RTCA: variants seen among roughly 807,000 people sequenced by gnomAD.
The protein encoded by RTCA is RNA terminal phosphate cyclase domain 1.
Under a neutral mutation model 46.1 loss-of-function variants are expected in RTCA, and 37 were observed. The observed-to-expected ratio is 0.80, with a 90% CI of 0.62 to 1.06. The LOEUF is 1.06. Ranked by LOEUF, RTCA falls within the 50% of genes least tolerant of loss-of-function variation. RTCA has a pLI of 0.00. For missense variants in RTCA, 435 were observed against 455.5 expected (o/e 0.95, Z 0.41); for synonymous variants, 164 against 158.3 (o/e 1.04, Z -0.27).
chr1:100,283,245 A>G (rs1666817553), intron 8 of RTCA, among the ~76,000 whole-genome samples: 2 of 142,216 alleles, frequency 1.4e-5, no homozygotes, highest in African/African-American at 5.3e-5. Context: ...ATCTCAGCTC[A>G]CCATAACCTC....
chr1:100,273,702 A>G (rs1666223429), intron 5 of RTCA, among the ~76,000 whole-genome samples: 1 of 152,242 alleles, frequency 6.6e-6, no homozygotes, highest in African/African-American at 2.4e-5. Flanking sequence ...AGGTACCCTC[A>G]TATCTAGTGA....
chr1:100,276,280 C>T (rs1666371942), intron 7 of RTCA, among the ~76,000 whole-genome samples: 1 of 152,176 alleles, frequency 6.6e-6, no homozygotes, highest in African/African-American at 2.4e-5. Context: ...AACGTTTAAT[C>T]AGAAGTTAGG....
chr1:100,281,291 C>T (rs559168796), intron 8 of RTCA: 13 of 534,110 alleles, frequency 2.4e-5, no homozygotes, highest in Non-Finnish European at 3.5e-5. Context: ...GAGAAAATCT[C>T]GCTGTTTTAG....
At chr1:100,279,616 T>A in intron 8 of RTCA, among the ~76,000 whole-genome samples, 1 of 149,846 alleles carries the variant, frequency 6.7e-6, no homozygotes, top group Non-Finnish European at 1.5e-5. Context: ...CTCTTAAAAT[T>A]TTTTTTTTTT....
chr1:100,280,916 G>A (rs958916294), intron 8 of RTCA, among the ~76,000 whole-genome samples: 1 of 152,144 alleles, frequency 6.6e-6, no homozygotes, highest in African/African-American at 2.4e-5. Flanking sequence ...GCAGGAGGCG[G>A]GAGGATCACT....
Position 100,266,583 on chromosome 1 carries a change from G to A in RTCA, c.105G>A (p.Arg35=). Residue 35 remains arginine (R), a synonymous_variant, in exon 2 of 11, where the codon CGG becomes CGA. Coordinates refer to ENST00000370128, the MANE Select transcript of RTCA (RefSeq NM_003729.4). ...GCTGTCTCCTAGGCCTCCCCTTGCG[G>A]GTGCAGAAGATCCGAGCCGGCCGGA... The part of the protein sequence containing the change: ...ALSCLLGLPL[R]VQKIRAGRST... The A allele has an allele frequency of 1.2e-6, 2 of 1,613,912 alleles. No homozygotes were observed. The highest frequency in any genetic ancestry group is 1.7e-5 in the Admixed American group (1 of 59,992).
chr1:100,280,041 T>C (rs543067619), intron 8 of RTCA, among the ~76,000 whole-genome samples: 4 of 152,210 alleles, frequency 2.6e-5, no homozygotes, highest in African/African-American at 9.6e-5. Context: ...ACAATTCAGG[T>C]CAGAATGGTA....
At chr1:100,273,723 C>G (rs1195845870) in intron 5 of RTCA, among the ~76,000 whole-genome samples, 1 of 152,114 alleles carries the variant, frequency 6.6e-6, no homozygotes, top group African/African-American at 2.4e-5. Flanking sequence ...TATTTCATGC[C>G]CCAGCACAGC....
At chr1:100,273,063 C>A (rs191829926) in intron 4 of RTCA, among the ~76,000 whole-genome samples, 157 of 152,240 alleles carry the variant, frequency 1.0e-3, no homozygotes, top group African/African-American at 3.1e-3. Context: ...TTCACCAATA[C>A]CCCCTCATTT....
At chr1:100,275,918 C>T (rs1408727982) in intron 7 of RTCA, among the ~76,000 whole-genome samples, 195 bp downstream of exon 7, 1 of 152,128 alleles carries the variant, frequency 6.6e-6, no homozygotes, top group East Asian at 1.9e-4. Flanking sequence ...TCACTGCAAG[C>T]TCCGCCTCCT....
In RTCA at chr1:100,277,126, G is replaced by T. The variant is rs895052309; in HGVS notation, c.741-132G>T. ...TGTTAATCATACCACTCTATATGAA[G>T]AATTTTTACTTTTGCAATTTGTTGC... On this transcript the variant is annotated intron_variant, in intron 7 of 10. Transcript: ENST00000370128. The T allele has an allele frequency of 9.1e-6, 7 of 770,860 alleles. No homozygotes were observed. The South Asian group carries it at 1.1e-4, about 12-fold the overall frequency. 47.8% of individuals were successfully genotyped at this position (770,860 alleles called of 1,614,324 possible).
chr1:100,273,373 G>A lies in RTCA; in HGVS notation c.415-21G>A, dbSNP rs369126200. ...AGTGAATATTGCTGATTAACCTAAT[G>A]ATAAAAACTGATTTTTTCAGGTCTT... On this transcript the variant is annotated intron_variant, in intron 4 of 10. Coordinates refer to ENST00000370128, the MANE Select transcript of RTCA (RefSeq NM_003729.4). The A allele has an allele frequency of 4.0e-6, 6 of 1,510,992 alleles. No homozygotes were observed. In the African/African-American group the frequency reaches 8.3e-5, roughly 21 times the overall value. 93.6% of individuals were successfully genotyped at this position (1,510,992 alleles called of 1,614,324 possible).
intron 3 of RTCA, among the ~76,000 whole-genome samples, chr1:100,270,166 A>G (rs1412019029): frequency 6.6e-6 from 1 of 151,990 alleles, no homozygotes; most frequent in East Asian, 1.9e-4. Flanking sequence ...ATTTTCATAA[A>G]CTGCTAGTTT....
Position 100,270,621 on chromosome 1 carries a change from C to G in RTCA, c.355C>G (p.Leu119Val). 1 of 1,614,134 alleles carries G rather than the reference C, an allele frequency of 6.2e-7. No individual in the cohort carries two copies. The highest frequency in any genetic ancestry group is 8.5e-7 in the Non-Finnish European group (1 of 1,179,992). The part of the protein sequence containing the change: ...CVLFAASPSE[L>V]HLKGGTNAEM... The stretch of plus-strand genomic sequence containing the variant: ...TCTCTTTGCTGCTTCTCCATCAGAA[C>G]TTCATTTGAAAGGTGGAACTAATGC... Residue 119 changes from leucine (L) to valine (V), a missense_variant, in exon 4 of 11, where the codon CTT (leucine) becomes GTT (valine). Coordinates refer to ENST00000370128, the MANE Select transcript of RTCA (RefSeq NM_003729.4).
chr1:100,290,765 C>G lies in RTCA; in HGVS notation c.1000-638C>G, dbSNP rs112365175. Among the ~76,000 whole-genome samples, 391 of 152,018 alleles carry G rather than the reference C, an allele frequency of 2.6e-3. 5 individuals carry two copies. The highest frequency in any genetic ancestry group is 9.2e-3 in the African/African-American group (381 of 41,468). The stretch of plus-strand genomic sequence containing the variant: ...TGGGTGACAGAGCAAGACTCTGTCT[C>G]AAAAACAGAACAAAAACAAAAGCAA... On this transcript the variant is annotated intron_variant, in intron 10 of 10. Coordinates refer to ENST00000370128, the MANE Select transcript of RTCA (RefSeq NM_003729.4).
At chr1:100,281,096 C>T (rs1666680979) in intron 8 of RTCA, 1 of 465,736 alleles carries the variant, frequency 2.1e-6, no homozygotes, top group African/African-American at 2.0e-5. Flanking sequence ...TCAATACCAC[C>T]ATAGGTGGTA....
chr1:100,281,378 T>C (rs1666697542), intron 8 of RTCA: 3 of 510,864 alleles, frequency 5.9e-6, no homozygotes, highest in Non-Finnish European at 1.2e-5. Flanking sequence ...TGTCCTGTCA[T>C]TATCATGCAT....
chr1:100,288,893 GC>G (rs1388503987), intron 10 of RTCA, among the ~76,000 whole-genome samples: 2 of 151,676 alleles, frequency 1.3e-5, no homozygotes, highest in African/African-American at 4.8e-5. Flanking sequence ...CACAGTCTTG[GC>G]TCACAGCAAC....
At position 100,292,749 on chromosome 1, in the gene RTCA, A is replaced by G. The variant is rs549587881; in HGVS notation, c.*1245A>G. Reference sequence around the variant, plus strand: ...TTTGGCTTGTGTTATTAACAAATAAATGAGTGTCTTTCAAATGGAATGTGC... The same window carrying G: ...TTTGGCTTGTGTTATTAACAAATAAGTGAGTGTCTTTCAAATGGAATGTGC... On this transcript the variant is annotated 3_prime_UTR_variant, in exon 11 of 11. Coordinates refer to ENST00000370128, the MANE Select transcript of RTCA (RefSeq NM_003729.4). 1.3e-5 allele frequency: 2 copies of G among 152,262 alleles called. No homozygotes were observed. The highest frequency in any genetic ancestry group is 4.8e-5 in the African/African-American group (2 of 41,474). The allele number at this position is 152,262 out of a possible 1,614,324, so 9.4% of individuals were successfully genotyped here.
Sources: gnomAD v4.1 joint callset for allele counts (sites outside exome capture counted in the v4.1 genomes callset) on GRCh38, gnomAD v4.1.1 for gene constraint, MANE v1.5 for transcripts, NCBI Gene and HGNC (gene_info 2026-07-23, HGNC 2026-07-21) for gene names.